The following CENPL variants were observed in gnomAD, a reference collection of about 807,000 sequenced individuals.
The protein encoded by CENPL is centromere protein L.
A neutral mutation model predicts 35.2 loss-of-function variants in CENPL; 20 were observed. The ratio of observed to expected loss-of-function variants is 0.57; its 90% CI spans 0.40 to 0.83. The LOEUF is 0.83. CENPL is among the 40% of genes least tolerant of loss of function. The probability of loss-of-function intolerance (pLI) is 0.00; values close to 1 mark genes in which losing one functional copy is unlikely to be tolerated. For synonymous variants in CENPL, 140 were observed against 140.6 expected (o/e 1.00, Z 0.03); for missense variants, 363 against 395.8 (o/e 0.92, Z 0.70).
intron 2 of CENPL, among the ~76,000 whole-genome samples, chr1:173,817,509 A>G (rs569079176): frequency 1.1e-4 from 16 of 152,326 alleles, no homozygotes; most frequent in African/African-American, 3.6e-4. Flanking sequence ...GAAACAACAG[A>G]TGCTGGAGAG....
intron 2 of CENPL, among the ~76,000 whole-genome samples, chr1:173,818,177 A>T (rs891952885): frequency 7.2e-5 from 11 of 152,140 alleles, no homozygotes; most frequent in African/African-American, 2.7e-4. Context: ...TAAATTTTTT[A>T]AAAATGTTAA....
chr1:173,810,992 T>C (rs1650763278), intron 3 of CENPL, 140 bp downstream of exon 3: 4 of 664,572 alleles, frequency 6.0e-6, no homozygotes, highest in East Asian at 5.4e-5. Context: ...CTGATCGTTA[T>C]GAAATTGTTT....
chr1:173,803,562 C>T (rs1649952449), intron 4 of CENPL, 57 bp from the exon 5 acceptor site: 1 of 1,446,214 alleles, frequency 6.9e-7, no homozygotes, highest in South Asian at 1.5e-5. Context: ...TTCTAAATTC[C>T]ATCTTCTCAA....
intron 3 of CENPL, among the ~76,000 whole-genome samples, chr1:173,809,884 A>T (rs1181138189): frequency 2.0e-5 from 3 of 152,196 alleles, no homozygotes; most frequent in Non-Finnish European, 4.4e-5. Context: ...GGTTGTGGAG[A>T]AAAAGGAATG....
chr1:173,807,319 G>A lies in CENPL; in HGVS notation c.368C>T (p.Thr123Ile), dbSNP rs2102575296. ...TTGTGTTCCTTTCATTCCTAGGAGA[G>A]TAGAAAAAATCACTTTGATGTTGAA... ...EDFNIKVIFSTLLGMKGTQRD... is the reference protein window; with the variant it reads ...EDFNIKVIFSILLGMKGTQRD... The change falls in exon 4 of 6, where the codon ACT (threonine) becomes ATT (isoleucine). Residue 123 changes from threonine to isoleucine, a missense_variant. By Grantham distance (89) the Thr-to-Ile change is moderately conservative (BLOSUM62 -1). Coordinates refer to ENST00000682279, the MANE Select transcript of CENPL (RefSeq NM_001387287.1). 1 of 1,613,436 alleles carries A rather than the reference G, an allele frequency of 6.2e-7. No individual in the cohort carries two copies.
In CENPL at chr1:173,811,194, TC is replaced by T; in HGVS notation, c.105del (p.Lys36SerfsTer7). 1.9e-6 allele frequency: 3 copies of T among 1,614,098 alleles called. No individual in the cohort carries two copies. The highest frequency in any genetic ancestry group is 2.5e-6 in the Non-Finnish European group (3 of 1,179,968). The stretch of plus-strand genomic sequence containing the variant: ...GGAGTCAGGATAAATGAACTCTGCT[TC>T]CTGACCGATTCTAATCGTTTCTGCA... ...TPLQKRLESVRKQSSFILTPP... is the reference protein window; with the variant it reads ...TPLQKRLESVXKQSSFILTPP... On this transcript the variant is annotated frameshift_variant, in exon 3 of 6. Coordinates refer to ENST00000682279, the MANE Select transcript of CENPL (RefSeq NM_001387287.1). LOFTEE classifies it high-confidence loss of function.
chr1:173,809,628 A>C (rs1272666822), intron 3 of CENPL, among the ~76,000 whole-genome samples: 8 of 151,864 alleles, frequency 5.3e-5, no homozygotes, highest in South Asian at 2.1e-4. Flanking sequence ...CAAAAAAAAA[A>C]CAACCCCATT....
At chr1:173,818,911 G>T (rs55861864) in intron 2 of CENPL, among the ~76,000 whole-genome samples, 111 of 152,208 alleles carry the variant, frequency 7.3e-4, no homozygotes, top group Non-Finnish European at 1.3e-3. Context: ...AACAAGTATT[G>T]GTTCAATTAA....
intron 3 of CENPL, among the ~76,000 whole-genome samples, chr1:173,810,154 T>A (rs1650667131): frequency 6.6e-6 from 1 of 152,188 alleles, no homozygotes; most frequent in Non-Finnish European, 1.5e-5. Context: ...ATGTGGTACA[T>A]ATACACCATG....
rs137925367 is a variant in CENPL at position 173,812,743 on chromosome 1, A to C, written c.-7-1437T>G. Among the ~76,000 whole-genome samples, 1,370 of 152,332 alleles carry C rather than the reference A, an allele frequency of 9.0e-3. 19 individuals carry two copies. Among genetic ancestry groups the C allele is most frequent in the African/African-American group, 0.03 (1,244 of 41,570 alleles). Reference sequence around the variant, plus strand: ...AGAAACCAGAGCAGAAAAGCTGATAATTCTAAAAACCAGAGGGCCTCTTCT... The same window carrying C: ...AGAAACCAGAGCAGAAAAGCTGATACTTCTAAAAACCAGAGGGCCTCTTCT... On this transcript the variant is annotated intron_variant, in intron 2 of 5. Transcript: ENST00000682279.
intron 4 of CENPL, among the ~76,000 whole-genome samples, chr1:173,805,505 G>A (rs1479335657): frequency 7.1e-6 from 1 of 140,380 alleles, no homozygotes; most frequent in African/African-American, 2.8e-5. Context: ...CAGAGAAGCT[G>A]TCTCAAAAAA....
At chr1:173,805,416 G>A (rs1477998231) in intron 4 of CENPL, among the ~76,000 whole-genome samples, 1 of 151,726 alleles carries the variant, frequency 6.6e-6, no homozygotes. Flanking sequence ...TTGGGGGGCT[G>A]AGGAGGGAGG....
At position 173,814,928 on chromosome 1, in the gene CENPL, T is replaced by C. The variant is rs955808412; in HGVS notation, c.-7-3622A>G. On this transcript the variant is annotated intron_variant, in intron 2 of 5. Transcript: ENST00000682279. ...TTTTTGAAAAGATCAATAAAGTTGA[T>C]AGACCGTTAGCAAGACTAATAAAGA... is the stretch of plus-strand genomic sequence containing the variant. 7.9e-5 allele frequency among the ~76,000 whole-genome samples: 12 copies of C among 152,188 alleles called. No homozygotes were observed. The South Asian group carries it at 1.5e-3, about 18-fold the overall frequency.
At chr1:173,817,084 G>A (rs904664424) in intron 2 of CENPL, among the ~76,000 whole-genome samples, 1 of 152,030 alleles carries the variant, frequency 6.6e-6, no homozygotes, top group Non-Finnish European at 1.5e-5. Context: ...GTTGCAGTGA[G>A]CCAAAATCGT....
At chr1:173,815,720 C>T (rs186069388) in intron 2 of CENPL, among the ~76,000 whole-genome samples, 206 of 152,162 alleles carry the variant, frequency 1.4e-3, no homozygotes, top group African/African-American at 4.7e-3. Context: ...ACAAACCCAC[C>T]GCCAATATCA....
intron 2 of CENPL, among the ~76,000 whole-genome samples, chr1:173,817,237 A>G (rs184467424): frequency 1.3e-5 from 2 of 152,348 alleles, no homozygotes; most frequent in East Asian, 3.9e-4. Context: ...ATGGGAGAAA[A>G]TTTTTGCAAT....
At chr1:173,812,315 G>T (rs1228805282) in intron 2 of CENPL, among the ~76,000 whole-genome samples, 1 of 152,224 alleles carries the variant, frequency 6.6e-6, no homozygotes, top group Non-Finnish European at 1.5e-5. Context: ...AGAGAGCAGT[G>T]GTTCTCCCAG....
At chr1:173,805,659 C>T (rs1055822105) in intron 4 of CENPL, among the ~76,000 whole-genome samples, 2 of 152,112 alleles carry the variant, frequency 1.3e-5, no homozygotes, top group African/African-American at 4.8e-5. Context: ...TTTGTCCTTC[C>T]CATCTTCTTC....
chr1:173,818,642 T>C (rs540255122), intron 2 of CENPL, among the ~76,000 whole-genome samples: 13 of 152,264 alleles, frequency 8.5e-5, no homozygotes, highest in Non-Finnish European at 1.6e-4. Context: ...CTGAATGAGC[T>C]CTCATCTCTA....
Sources: gnomAD v4.1 joint callset for allele counts (sites outside exome capture counted in the v4.1 genomes callset) on GRCh38, gnomAD v4.1.1 for gene constraint, MANE v1.5 for transcripts, NCBI Gene and HGNC (gene_info 2026-07-23, HGNC 2026-07-21) for gene names.